PELI2: variants seen among roughly 807,000 people sequenced by gnomAD.
PELI2 encodes the protein E3 ubiquitin-protein ligase pellino homolog 2.
PELI2 carries 23 observed loss-of-function variants against 42.3 expected under a neutral mutation model. The ratio of observed to expected loss-of-function variants is 0.54; its 90% CI spans 0.39 to 0.77. PELI2 has a LOEUF of 0.77. PELI2 is among the 30% of genes least tolerant of loss of function. The pLI, the probability that PELI2 is intolerant of heterozygous loss-of-function variation, is 0.00. For synonymous variants in PELI2, 245 were observed against 212.2 expected (o/e 1.15, Z -1.34); for missense variants, 463 against 553.2 (o/e 0.84, Z 1.64).
At chr14:56,211,879 C>T (rs368086341) in intron 2 of PELI2, among the ~76,000 whole-genome samples, 2 of 151,926 alleles carry the variant, frequency 1.3e-5, no homozygotes, top group African/African-American at 4.8e-5. Context: ...GTGACCAAAA[C>T]TCAAGATCCA....
intron 2 of PELI2, among the ~76,000 whole-genome samples, chr14:56,238,742 G>A (rs1297174959): frequency 6.6e-6 from 1 of 152,170 alleles, no homozygotes; most frequent in African/African-American, 2.4e-5. Context: ...GAGACACGAA[G>A]CTTGTATCTA....
Position 56,209,406 on chromosome 14 carries a change from G to A in PELI2, c.207+30942G>A, listed in dbSNP as rs143797871. Among the ~76,000 whole-genome samples the A allele has an allele frequency of 2.6e-5, 4 of 152,316 alleles. No homozygotes were observed. The East Asian group carries it at 7.7e-4, about 29-fold the overall frequency. ...TTCATATACTTTCAACCCAATCGAT[G>A]TGTTGCAACAGACTCAGTGCAGAAG... On this transcript the variant is annotated intron_variant, in intron 2 of 5. Coordinates refer to ENST00000267460, the MANE Select transcript of PELI2 (RefSeq NM_021255.3).
intron 1 of PELI2, among the ~76,000 whole-genome samples, chr14:56,130,945 T>C (rs1262426958): frequency 6.6e-6 from 1 of 152,200 alleles, no homozygotes; most frequent in African/African-American, 2.4e-5. Context: ...TAGGCTAGCA[T>C]TTGTATTTCG....
chr14:56,252,728 C>CA (rs543611023), intron 2 of PELI2, among the ~76,000 whole-genome samples: 222 of 152,052 alleles, frequency 1.5e-3, no homozygotes, highest in African/African-American at 5.1e-3. Context: ...TCCTACCAAC[C>CA]AAAAAAAGCC....
At chr14:56,281,752 G>A (rs776463841) in intron 3 of PELI2, among the ~76,000 whole-genome samples, 7 of 152,074 alleles carry the variant, frequency 4.6e-5, no homozygotes, top group Admixed American at 3.9e-4. Flanking sequence ...ATGAGCAGAG[G>A]ATTTGACAGA....
intron 2 of PELI2, among the ~76,000 whole-genome samples, chr14:56,243,965 C>A (rs888113896): frequency 6.6e-6 from 1 of 152,166 alleles, no homozygotes; most frequent in African/African-American, 2.4e-5. Flanking sequence ...GTCTCCAGTG[C>A]TTTCTCTTTT....
chr14:56,187,607 T>C (rs1885813526), intron 2 of PELI2, among the ~76,000 whole-genome samples: 1 of 152,206 alleles, frequency 6.6e-6, no homozygotes, highest in Non-Finnish European at 1.5e-5. Flanking sequence ...GTTACACCTT[T>C]TGCTTTTCAC....
At chr14:56,207,731 G>A (rs186895423) in intron 2 of PELI2, among the ~76,000 whole-genome samples, 7 of 152,266 alleles carry the variant, frequency 4.6e-5, no homozygotes, top group African/African-American at 1.4e-4. Context: ...AGGCCAAAAG[G>A]GATAGAAACT....
At chr14:56,240,045 C>A (rs941325520) in intron 2 of PELI2, among the ~76,000 whole-genome samples, 4 of 152,180 alleles carry the variant, frequency 2.6e-5, no homozygotes, top group Non-Finnish European at 4.4e-5. Context: ...CCTCTGGGAA[C>A]TTCCAGTCCC....
chr14:56,159,497 T>C (rs1329991017), intron 1 of PELI2, among the ~76,000 whole-genome samples: 5 of 152,320 alleles, frequency 3.3e-5, no homozygotes, highest in Middle Eastern at 3.4e-3. Flanking sequence ...GAATAAGATA[T>C]AATAACAAAC....
At chr14:56,167,315 C>G (rs1884998963) in intron 1 of PELI2, among the ~76,000 whole-genome samples, 1 of 152,008 alleles carries the variant, frequency 6.6e-6, no homozygotes, top group Admixed American at 6.6e-5. Context: ...TAGATTTGCC[C>G]CTTTGAGGCT....
chr14:56,216,994 C>T (rs902012090), intron 2 of PELI2, among the ~76,000 whole-genome samples: 1 of 152,092 alleles, frequency 6.6e-6, no homozygotes, highest in African/African-American at 2.4e-5. Context: ...CAATTGAGTT[C>T]TAGAAGTTAT....
intron 1 of PELI2, among the ~76,000 whole-genome samples, chr14:56,169,610 T>C (rs2139653181): frequency 6.6e-6 from 1 of 152,316 alleles, no homozygotes; most frequent in South Asian, 2.1e-4. Context: ...TTCTGTCTCT[T>C]CTAGAGCCTC....
chr14:56,265,285 G>GATAA (rs982329840), intron 2 of PELI2, among the ~76,000 whole-genome samples: 13 of 152,104 alleles, frequency 8.5e-5, no homozygotes, highest in African/African-American at 2.4e-4. Context: ...TGTAAAGATA[G>GATAA]ATAAATAGAT....
chr14:56,223,942 A>T (rs1887247183), intron 2 of PELI2, among the ~76,000 whole-genome samples: 1 of 152,238 alleles, frequency 6.6e-6, no homozygotes, highest in African/African-American at 2.4e-5. Context: ...AAATAGAAAT[A>T]TACAAGGATG....
At chr14:56,261,377 T>C (rs1218775973) in intron 2 of PELI2, among the ~76,000 whole-genome samples, 2 of 152,014 alleles carry the variant, frequency 1.3e-5, no homozygotes, top group African/African-American at 2.4e-5. Flanking sequence ...ACAGTACCAT[T>C]CTTTACTGGT....
chr14:56,250,019 C>G (rs1307110668), intron 2 of PELI2, among the ~76,000 whole-genome samples: 3 of 152,290 alleles, frequency 2.0e-5, no homozygotes, highest in Admixed American at 6.5e-5. Context: ...GGGCAGAAGT[C>G]CCCTTTGCCT....
intron 5 of PELI2, among the ~76,000 whole-genome samples, chr14:56,295,255 G>A (rs1468886088): frequency 1.3e-5 from 2 of 152,058 alleles, no homozygotes; most frequent in African/African-American, 4.8e-5. Flanking sequence ...CTTTTTGAAA[G>A]GTCAATCAGT....
intron 1 of PELI2, among the ~76,000 whole-genome samples, chr14:56,135,121 C>T (rs1001510513): frequency 1.3e-5 from 2 of 152,140 alleles, no homozygotes; most frequent in Non-Finnish European, 2.9e-5. Context: ...GTCTCTGCAA[C>T]CCCAGAGCTG....
Sources: gnomAD v4.1 joint callset for allele counts (sites outside exome capture counted in the v4.1 genomes callset) on GRCh38, gnomAD v4.1.1 for gene constraint, MANE v1.5 for transcripts, NCBI Gene and HGNC (gene_info 2026-07-23, HGNC 2026-07-21) for gene names.